The following EXOC4 variants were observed in gnomAD, a reference collection of about 807,000 sequenced individuals.
The protein encoded by EXOC4 is SEC8-like 1.
Under a neutral mutation model 107.2 loss-of-function variants are expected in EXOC4, and 71 were observed. The ratio of observed to expected loss-of-function variants is 0.66; its 90% CI spans 0.55 to 0.81. The LOEUF is 0.81. Among genes scored for constraint, EXOC4 ranks in the 30% least tolerant of loss-of-function variants. The pLI, the probability that EXOC4 is intolerant of heterozygous loss-of-function variation, is 0.00. For missense variants in EXOC4, 1,108 were observed against 1,189.6 expected (o/e 0.93, Z 1.01); for synonymous variants, 456 against 441.2 (o/e 1.03, Z -0.42).
chr7:133,921,018 T>C (rs984088314), intron 13 of EXOC4, among the ~76,000 whole-genome samples: 1 of 152,154 alleles, frequency 6.6e-6, no homozygotes, highest in Non-Finnish European at 1.5e-5. Context: ...AATTGACTGA[T>C]TATAGGAATT....
At position 133,514,546 on chromosome 7, in the gene EXOC4, G is replaced by A. The variant is rs956818939; in HGVS notation, c.1417+34408G>A. Reference sequence around the variant, plus strand: ...ATCCACTCCTGGAATGAATGTTTTAGAAAATTTGACCAAGAGGTGCTTTTG... The same window carrying A: ...ATCCACTCCTGGAATGAATGTTTTAAAAAATTTGACCAAGAGGTGCTTTTG... On this transcript the variant is annotated intron_variant, in intron 9 of 17. Transcript: ENST00000253861. Among the ~76,000 whole-genome samples the A allele has an allele frequency of 4.6e-5, 7 of 152,210 alleles. No homozygotes were observed. The South Asian group carries it at 1.0e-3, about 23-fold the overall frequency.
At chr7:133,814,291 T>C (rs900247832) in intron 10 of EXOC4, among the ~76,000 whole-genome samples, 53 of 152,176 alleles carry the variant, frequency 3.5e-4, no homozygotes, top group Non-Finnish European at 6.0e-4. Flanking sequence ...CTGAGCTTGC[T>C]TTTTTTCCTT....
chr7:133,392,529 G>C (rs1302001860), intron 7 of EXOC4, among the ~76,000 whole-genome samples: 16 of 152,122 alleles, frequency 1.1e-4, no homozygotes, highest in Admixed American at 9.2e-4. Flanking sequence ...CTGCAAGCTG[G>C]CCTCTTTGGG....
intron 5 of EXOC4, among the ~76,000 whole-genome samples, chr7:133,348,978 AT>A (rs774041911): frequency 5.3e-5 from 8 of 152,178 alleles, no homozygotes; most frequent in Non-Finnish European, 1.0e-4. Flanking sequence ...TCTGGTCATT[AT>A]ACCTCTTTCT....
chr7:133,790,759 T>C (rs558862546), intron 10 of EXOC4, among the ~76,000 whole-genome samples: 2 of 152,362 alleles, frequency 1.3e-5, no homozygotes, highest in African/African-American at 2.4e-5. Context: ...GATTTGCAGG[T>C]AGAGTTTCAT....
At chr7:133,991,376 A>G (rs895850892) in intron 14 of EXOC4, among the ~76,000 whole-genome samples, 2 of 152,036 alleles carry the variant, frequency 1.3e-5, no homozygotes, top group Non-Finnish European at 2.9e-5. Context: ...TACTTTGAAA[A>G]TAATTTGTTT....
chr7:133,271,683 T>A (rs911574574), intron 1 of EXOC4, among the ~76,000 whole-genome samples: 6 of 152,190 alleles, frequency 3.9e-5, no homozygotes, highest in Non-Finnish European at 7.3e-5. Context: ...CCCATCTGCC[T>A]AACCCTTGTG....
At chr7:134,040,591 T>C (rs1487493572) in intron 17 of EXOC4, among the ~76,000 whole-genome samples, 2 of 152,222 alleles carry the variant, frequency 1.3e-5, no homozygotes, top group African/African-American at 4.8e-5. Context: ...TAATAAATAT[T>C]TGATCATTTC....
At chr7:133,286,286 T>G (rs1247126962) in intron 2 of EXOC4, among the ~76,000 whole-genome samples, 1 of 152,228 alleles carries the variant, frequency 6.6e-6, no homozygotes, top group Non-Finnish European at 1.5e-5. Flanking sequence ...TATTTTAATT[T>G]CTAATAGTTG....
chr7:133,406,167 T>G (rs187879070), intron 7 of EXOC4, among the ~76,000 whole-genome samples: 1 of 152,286 alleles, frequency 6.6e-6, no homozygotes, highest in East Asian at 1.9e-4. Context: ...AAACAGAGAC[T>G]GAGAGTAATT....
chr7:133,337,696 C>T (rs150548949), intron 5 of EXOC4, among the ~76,000 whole-genome samples: 30 of 133,750 alleles, frequency 2.2e-4, no homozygotes, highest in African/African-American at 7.4e-4. Context: ...TACAGTGGCG[C>T]GATCTTGGCT....
chr7:133,702,610 G>A (rs759486003), intron 10 of EXOC4, among the ~76,000 whole-genome samples: 1 of 151,490 alleles, frequency 6.6e-6, no homozygotes, highest in Non-Finnish European at 1.5e-5. Flanking sequence ...ACAGATGTGA[G>A]CCACTGCACC....
intron 9 of EXOC4, among the ~76,000 whole-genome samples, chr7:133,596,470 G>A (rs1428727251): frequency 6.6e-6 from 1 of 152,182 alleles, no homozygotes; most frequent in African/African-American, 2.4e-5. Context: ...ACTCAGCTAT[G>A]TATTTTTGTT....
intron 10 of EXOC4, among the ~76,000 whole-genome samples, chr7:133,677,614 G>T (rs4731975): frequency 0.99 from 150,261 of 152,294 alleles, 74,170 homozygotes; most frequent in Middle Eastern, 1. Context: ...CTTTCTCTAG[G>T]TTAATTTCGC....
At chr7:133,831,121 C>A (rs1025200324) in intron 11 of EXOC4, among the ~76,000 whole-genome samples, 6 of 152,018 alleles carry the variant, frequency 3.9e-5, no homozygotes, top group African/African-American at 1.4e-4. Context: ...CCCGCCACCA[C>A]GCCTAGCTAA....
At chr7:133,522,224 G>A (rs970245240) in intron 9 of EXOC4, among the ~76,000 whole-genome samples, 1 of 152,056 alleles carries the variant, frequency 6.6e-6, no homozygotes, top group Non-Finnish European at 1.5e-5. Flanking sequence ...GTGCCTTAAT[G>A]TGTTTGAGTC....
At chr7:133,789,166 C>T (rs1259998860) in intron 10 of EXOC4, among the ~76,000 whole-genome samples, 1 of 152,046 alleles carries the variant, frequency 6.6e-6, no homozygotes, top group Non-Finnish European at 1.5e-5. Context: ...TTCACCATGC[C>T]CTATAAAGCA....
intron 7 of EXOC4, among the ~76,000 whole-genome samples, chr7:133,473,543 A>G (rs1798933375): frequency 6.6e-6 from 1 of 151,948 alleles, no homozygotes; most frequent in African/African-American, 2.4e-5. Context: ...CTTTTTGTAC[A>G]GTTTTTGACT....
chr7:133,333,366 A>G lies in EXOC4; in HGVS notation c.763+15976A>G, dbSNP rs534874828. 2.6e-5 allele frequency among the ~76,000 whole-genome samples: 4 copies of G among 152,178 alleles called. No homozygotes were observed. The East Asian group carries it at 7.7e-4, about 29-fold the overall frequency. On this transcript the variant is annotated intron_variant, in intron 5 of 17. Coordinates refer to ENST00000253861, the MANE Select transcript of EXOC4 (RefSeq NM_021807.4). ...CTTCCTTACATTCTGGTACCACAAG[A>G]CATTTCAGACTCATCTTGTACTTCC...
Sources: gnomAD v4.1 joint callset for allele counts (sites outside exome capture counted in the v4.1 genomes callset) on GRCh38, gnomAD v4.1.1 for gene constraint, MANE v1.5 for transcripts, NCBI Gene and HGNC (gene_info 2026-07-23, HGNC 2026-07-21) for gene names.